Variants in IL1RAPL2 observed in about 807,000 individuals in gnomAD.
IL1RAPL2 encodes X-linked interleukin-1 receptor accessory protein-like 2.
IL1RAPL2 carries 3 observed loss-of-function variants against 44.1 expected under a neutral mutation model. That is an observed-to-expected ratio of 0.07 (90% CI 0.03 to 0.18). The LOEUF (loss-of-function observed/expected upper bound fraction) is 0.18. Among genes scored for constraint, IL1RAPL2 ranks in the 10% least tolerant of loss-of-function variants. The probability of loss-of-function intolerance (pLI) is 1.00; values close to 1 mark genes in which losing one functional copy is unlikely to be tolerated. For synonymous variants in IL1RAPL2, 181 were observed against 178.8 expected (o/e 1.01, Z -0.10); for missense variants, 391 against 496.4 (o/e 0.79, Z 2.02).
intron 1 of IL1RAPL2, among the ~76,000 whole-genome samples, chrX:104,635,335 C>T (rs755166799): frequency 1.8e-5 from 2 of 109,893 alleles, no homozygotes; most frequent in East Asian, 5.7e-4. Context: ...AGTTGCTCTT[C>T]TCGAGGAGTA....
chrX:105,442,672 T>C (rs2035928914), intron 5 of IL1RAPL2, among the ~76,000 whole-genome samples: 1 of 112,364 alleles, frequency 8.9e-6, no homozygotes, highest in South Asian at 3.7e-4. Flanking sequence ...CGAATCTTTG[T>C]AGCATTTCAT....
In IL1RAPL2 at chrX:104,918,415, G is replaced by GA. The variant is rs199891589; in HGVS notation, c.82+259428dup. Among the ~76,000 whole-genome samples the GA allele has an allele frequency of 1.7e-3, 183 of 109,979 alleles. 4 individuals are homozygous for GA. In the East Asian group the frequency reaches 0.039, roughly 23 times the overall value. On this transcript the variant is annotated intron_variant, in intron 2 of 10. Transcript: ENST00000372582. The stretch of plus-strand genomic sequence containing the variant: ...TGTCATAATCATGGCATGTTAACTG[G>GA]AAAAAAAACAAAAAAGTAGAGGAGG...
At chrX:105,675,506 G>GA (rs1222049365) in intron 6 of IL1RAPL2, among the ~76,000 whole-genome samples, 1 of 112,144 alleles carries the variant, frequency 8.9e-6, no homozygotes, top group Non-Finnish European at 1.9e-5. Flanking sequence ...TCCTGGGAAT[G>GA]AAGCCAATTT....
At chrX:105,263,331 G>A (rs921840863) in intron 4 of IL1RAPL2, among the ~76,000 whole-genome samples, 4 of 111,440 alleles carry the variant, frequency 3.6e-5, no homozygotes, top group African/African-American at 6.5e-5. Context: ...GTTTATGGTC[G>A]CATAGCTGCT....
intron 6 of IL1RAPL2, among the ~76,000 whole-genome samples, chrX:105,564,463 A>G (rs1045648607): frequency 2.7e-5 from 3 of 112,234 alleles, no homozygotes; most frequent in African/African-American, 9.7e-5. Flanking sequence ...GACATGAAAG[A>G]AAATTTATGA....
chrX:105,665,701 T>C (rs1289104219), intron 6 of IL1RAPL2, among the ~76,000 whole-genome samples: 1 of 109,810 alleles, frequency 9.1e-6, no homozygotes, highest in Non-Finnish European at 1.9e-5. Flanking sequence ...TTTATCTTTT[T>C]GTCCTTTCAA....
chrX:104,745,005 A>G (rs1379716529), intron 2 of IL1RAPL2, among the ~76,000 whole-genome samples: 1 of 107,175 alleles, frequency 9.3e-6, no homozygotes, highest in Non-Finnish European at 1.9e-5. Context: ...GTGGCATAGC[A>G]ATAGCTGGAT....
intron 2 of IL1RAPL2, among the ~76,000 whole-genome samples, chrX:104,739,573 A>C (rs985907358): frequency 1.3e-4 from 14 of 111,759 alleles, no homozygotes; most frequent in South Asian, 7.5e-4. Context: ...TATTTGAAGG[A>C]GCTCTTGACC....
intron 2 of IL1RAPL2, among the ~76,000 whole-genome samples, chrX:105,110,146 G>C (rs1219489217): frequency 1.8e-5 from 2 of 112,146 alleles, no homozygotes; most frequent in Non-Finnish European, 3.8e-5. Flanking sequence ...ATGATACCCA[G>C]CCAAGTCAGC....
intron 6 of IL1RAPL2, among the ~76,000 whole-genome samples, chrX:105,494,801 C>T (rs1300200133): frequency 1.8e-5 from 2 of 111,249 alleles, no homozygotes; most frequent in East Asian, 5.7e-4. Context: ...ACTACAGGGA[C>T]ACATCACTAT....
At chrX:105,436,116 T>A (rs947107015) in intron 5 of IL1RAPL2, among the ~76,000 whole-genome samples, 2 of 111,429 alleles carry the variant, frequency 1.8e-5, no homozygotes, top group African/African-American at 6.5e-5. Flanking sequence ...GAATCTCAAA[T>A]GCACAATGCT....
At chrX:104,599,124 G>T (rs964547333) in intron 1 of IL1RAPL2, among the ~76,000 whole-genome samples, 2 of 111,906 alleles carry the variant, frequency 1.8e-5, no homozygotes, top group Non-Finnish European at 3.8e-5. Context: ...GACTTTGAGG[G>T]CAGGGACCAT....
intron 1 of IL1RAPL2, among the ~76,000 whole-genome samples, chrX:104,577,801 G>A (rs1335526568): frequency 1.8e-5 from 2 of 110,937 alleles, no homozygotes; most frequent in African/African-American, 6.6e-5. Flanking sequence ...ACAGAGTGGG[G>A]TGGCAGTCTG....
At chrX:105,039,861 G>A (rs929948045) in intron 2 of IL1RAPL2, among the ~76,000 whole-genome samples, 1 of 110,778 alleles carries the variant, frequency 9.0e-6, no homozygotes, top group Non-Finnish European at 1.9e-5. Flanking sequence ...TCCTAATTGA[G>A]TACCCTTTAT....
intron 2 of IL1RAPL2, among the ~76,000 whole-genome samples, chrX:104,979,359 G>A (rs1183017689): frequency 9.0e-6 from 1 of 111,503 alleles, no homozygotes; most frequent in East Asian, 2.8e-4. Context: ...ACATGGTCAT[G>A]GGGAGGTAGG....
intron 2 of IL1RAPL2, among the ~76,000 whole-genome samples, chrX:104,961,529 C>A (rs914311208): frequency 1.4e-4 from 16 of 111,445 alleles, no homozygotes; most frequent in African/African-American, 4.2e-4. Flanking sequence ...TTCAAGGTTC[C>A]TTCCAGGAGT....
At chrX:105,284,883 TTAGA>T (rs897792194) in intron 5 of IL1RAPL2, among the ~76,000 whole-genome samples, 1 of 111,383 alleles carries the variant, frequency 9.0e-6, no homozygotes, top group African/African-American at 3.3e-5. Context: ...AGAGATAACG[TTAGA>T]TAGAGAAAGT....
intron 6 of IL1RAPL2, among the ~76,000 whole-genome samples, chrX:105,521,365 T>C (rs1194908645): frequency 9.0e-6 from 1 of 110,909 alleles, no homozygotes; most frequent in Admixed American, 9.6e-5. Flanking sequence ...ACAGTGACAA[T>C]GAAATGAGAT....
At chrX:104,656,608 T>A (rs1386988067) in intron 1 of IL1RAPL2, among the ~76,000 whole-genome samples, 1 of 111,839 alleles carries the variant, frequency 8.9e-6, no homozygotes, top group Non-Finnish European at 1.9e-5. Context: ...TGTGGTCGGT[T>A]TTGGAATAAG....
Sources: gnomAD v4.1 joint callset for allele counts (sites outside exome capture counted in the v4.1 genomes callset) on GRCh38, gnomAD v4.1.1 for gene constraint, MANE v1.5 for transcripts, NCBI Gene and HGNC (gene_info 2026-07-23, HGNC 2026-07-21) for gene names.